DNAH8: variants seen among roughly 807,000 people sequenced by gnomAD.
The protein encoded by DNAH8 is axonemal beta dynein heavy chain 8.
In DNAH8, 382 loss-of-function variants were observed where a neutral mutation model predicts 562.1. The ratio of observed to expected loss-of-function variants is 0.68; its 90% confidence interval spans 0.63 to 0.74. The LOEUF (loss-of-function observed/expected upper bound fraction) is 0.74. Among genes scored for constraint, DNAH8 ranks in the 30% least tolerant of loss-of-function variants. The pLI is 0.00. For synonymous variants in DNAH8, 1,881 were observed against 1,919.4 expected (o/e 0.98, Z 0.52); for missense variants, 5,203 against 5,620.4 (o/e 0.93, Z 2.37).
chr6:38,770,640 A>G lies in DNAH8; in HGVS notation c.1764+81A>G, dbSNP rs527416960. ...TGTACTTTATGTAGTGCCATTGAGA[A>G]TTATTGTTCCTGATCTCTTGTCCAC... On this transcript the variant is annotated intron_variant, in intron 12 of 92. Transcript: ENST00000327475. The G allele has an allele frequency of 5.7e-4, 744 of 1,305,302 alleles. 2 individuals carry two copies. Among genetic ancestry groups the G allele is most frequent in the Non-Finnish European group, 7.5e-4 (729 of 975,892 alleles). 80.9% of individuals were successfully genotyped at this position (1,305,302 alleles called of 1,614,324 possible). A position where few individuals can be genotyped will look rare whatever the true frequency, so the allele number is the denominator to read the frequency against.
chr6:38,734,359 T>A, intron 4 of DNAH8, 115 bp from the exon 5 acceptor site: 1 of 1,123,340 alleles, frequency 8.9e-7, no homozygotes, highest in Non-Finnish European at 1.2e-6. Flanking sequence ...TATGACCGTA[T>A]TGAAAACTTC....
intron 87 of DNAH8, 141 bp downstream of exon 87, chr6:38,984,448 G>A (rs888348516): frequency 1.7e-5 from 11 of 637,134 alleles, no homozygotes; most frequent in Admixed American, 7.0e-5. Context: ...GCATGTGTGC[G>A]CTTACACACA....
intron 52 of DNAH8, among the ~76,000 whole-genome samples, chr6:38,874,367 CCTTTTCTTT>C (rs1423818865): frequency 7.0e-6 from 1 of 143,322 alleles, no homozygotes; most frequent in African/African-American, 2.6e-5. Flanking sequence ...TCTTTTCTTT[CCTTTTCTTT>C]CTTTTCTTTC....
At chr6:38,957,866 C>CAAAAAAAA (rs1209427701) in intron 82 of DNAH8, among the ~76,000 whole-genome samples, 53 of 75,798 alleles carry the variant, frequency 7.0e-4, no homozygotes, top group Non-Finnish European at 8.6e-4. Flanking sequence ...ATGCCTACAC[C>CAAAAAAAA]AAAAAAAAAA....
chr6:38,804,606 G>C (rs62396394), intron 22 of DNAH8, among the ~76,000 whole-genome samples: 22,511 of 152,004 alleles, frequency 0.15, 2,019 homozygotes, highest in Non-Finnish European at 0.2. Context: ...CCAGACTCTC[G>C]AAGGAGACCT....
intron 66 of DNAH8, among the ~76,000 whole-genome samples, 194 bp downstream of exon 66, chr6:38,911,780 G>A (rs1780922148): frequency 6.6e-6 from 1 of 152,210 alleles, no homozygotes; most frequent in South Asian, 2.1e-4. Flanking sequence ...CTAAACAGAA[G>A]TGGCCTATTT....
At chr6:38,825,240 C>T (rs1183941494) in intron 28 of DNAH8, among the ~76,000 whole-genome samples, 3 of 152,084 alleles carry the variant, frequency 2.0e-5, no homozygotes, top group Non-Finnish European at 2.9e-5. Context: ...TCTTGGGCCA[C>T]GCTTTCTCCT....
chr6:38,923,867 C>A, intron 72 of DNAH8, 124 bp from the exon 73 acceptor site: 1 of 1,100,430 alleles, frequency 9.1e-7, no homozygotes. Context: ...CCATGCCTGG[C>A]TACCAAGCAT....
intron 32 of DNAH8, among the ~76,000 whole-genome samples, chr6:38,835,232 C>T (rs73424127): frequency 0.024 from 3,680 of 152,072 alleles, 169 homozygotes; most frequent in African/African-American, 0.08. Context: ...CTTCTTTGCT[C>T]CTGCTCTTTT....
intron 82 of DNAH8, among the ~76,000 whole-genome samples, chr6:38,957,893 T>C (rs980994037): frequency 2.1e-5 from 2 of 95,874 alleles, no homozygotes; most frequent in Non-Finnish European, 4.3e-5. Flanking sequence ...AAAAACAAGA[T>C]CACAAATAAC....
intron 7 of DNAH8, among the ~76,000 whole-genome samples, chr6:38,740,204 T>G (rs1764416134): frequency 6.6e-6 from 1 of 152,218 alleles, no homozygotes; most frequent in Non-Finnish European, 1.5e-5. Context: ...TTTTCAAAAT[T>G]AATTTTAAGA....
intron 10 of DNAH8, among the ~76,000 whole-genome samples, chr6:38,760,216 T>G (rs1766355764): frequency 6.6e-6 from 1 of 152,208 alleles, no homozygotes; most frequent in Non-Finnish European, 1.5e-5. Context: ...GATTTCTACA[T>G]GTCTGAAAAT....
intron 30 of DNAH8, among the ~76,000 whole-genome samples, chr6:38,831,177 C>T (rs758920582): frequency 1.4e-4 from 22 of 152,050 alleles, no homozygotes; most frequent in Non-Finnish European, 2.9e-4. Context: ...GTAATCCCTG[C>T]ACTTTGGGAG....
intron 42 of DNAH8, among the ~76,000 whole-genome samples, chr6:38,859,631 C>T (rs987381822): frequency 6.6e-6 from 1 of 152,192 alleles, no homozygotes; most frequent in Non-Finnish European, 1.5e-5. Context: ...TCACGAAGCT[C>T]CTCAGAATGT....
chr6:38,884,684 A>G (rs541531954), intron 56 of DNAH8, among the ~76,000 whole-genome samples: 1 of 151,896 alleles, frequency 6.6e-6, no homozygotes, highest in African/African-American at 2.4e-5. Context: ...GCCTTTCTGC[A>G]GGGTTACATC....
At chr6:38,807,837 G>A (rs1001397679) in intron 24 of DNAH8, 121 bp downstream of exon 24, 1 of 440,096 alleles carries the variant, frequency 2.3e-6, no homozygotes, top group African/African-American at 2.0e-5. Context: ...TTAAAAGACT[G>A]TATGAAAGTA....
Position 38,946,087 on chromosome 6 carries a change from A to G in DNAH8, c.12129+499A>G, listed in dbSNP as rs191159566. ...TGAAAATGTACATTGATTACTGTGG[A>G]TTAATTGTTGAGTCAATTGTTACTG... is the stretch of plus-strand genomic sequence containing the variant. On this transcript the variant is annotated intron_variant, in intron 80 of 92. Coordinates refer to ENST00000327475, the MANE Select transcript of DNAH8 (RefSeq NM_001206927.2). Among the ~76,000 whole-genome samples, 512 of 151,972 alleles carry G rather than the reference A, an allele frequency of 3.4e-3. 2 individuals are homozygous for G. The highest frequency in any genetic ancestry group is 6.8e-3 in the Middle Eastern group (2 of 294).
chr6:38,850,800 A>G (rs1775681815), intron 38 of DNAH8, among the ~76,000 whole-genome samples: 1 of 151,864 alleles, frequency 6.6e-6, no homozygotes, highest in African/African-American at 2.4e-5. Flanking sequence ...TGCCTTCATA[A>G]CTCCAATCTC....
Position 38,791,653 on chromosome 6 carries a change from A to C in DNAH8, c.2880A>C (p.Glu960Asp). The change falls in exon 21 of 93, where the codon GAA becomes GAC. Residue 960 changes from glutamate (E) to aspartate (D), a missense_variant. This residue lies in a region of DNAH8 where 2,176 missense variants were observed against 2,365.1 expected (regional missense o/e 0.92). Coordinates refer to ENST00000327475, the MANE Select transcript of DNAH8 (RefSeq NM_001206927.2). The part of the protein sequence containing the change: ...SLPESGATKV[E>D]DMLTLNETYT... The stretch of plus-strand genomic sequence containing the variant: ...CTGAAAGTGGTGCTACCAAAGTAGA[A>C]GATATGTTGACCCTCAATGAGGTAT... The C allele has an allele frequency of 6.2e-7, 1 of 1,613,910 alleles. No homozygotes were observed. Among genetic ancestry groups the C allele is most frequent in the Non-Finnish European group, 8.5e-7 (1 of 1,179,932 alleles).
Sources: gnomAD v4.1 joint callset for allele counts (sites outside exome capture counted in the v4.1 genomes callset) on GRCh38, gnomAD v4.1.1 for gene constraint, gnomAD v4.1.1 regional missense constraint, MANE v1.5 for transcripts, NCBI Gene and HGNC (gene_info 2026-07-23, HGNC 2026-07-21) for gene names.